Variants in PACRG observed in about 807,000 individuals in gnomAD.
PACRG encodes parkin coregulated, also known as parkin coregulated gene protein.
Under a neutral mutation model 29.7 loss-of-function variants are expected in PACRG, and 29 were observed. The observed-to-expected ratio is 0.98, with a 90% CI of 0.73 to 1.33. The LOEUF (loss-of-function observed/expected upper bound fraction) is 1.33, where lower values mean the gene tolerates loss of function less well. Among genes scored for constraint, PACRG ranks in the 40% most tolerant of loss-of-function variants. The pLI, the probability that PACRG is intolerant of heterozygous loss-of-function variation, is 0.00. For synonymous variants in PACRG, 116 were observed against 118.7 expected, an observed-to-expected ratio of 0.98 and a Z score of 0.15; for missense variants, 279 against 316.2, an observed-to-expected ratio of 0.88 and a Z score of 0.89.
chr6:162,839,768 G>A (rs1293471654), intron 2 of PACRG, among the ~76,000 whole-genome samples: 2 of 152,052 alleles, frequency 1.3e-5, no homozygotes, highest in African/African-American at 4.8e-5. Flanking sequence ...ATTGATTTTT[G>A]TATAAGGTAT....
chr6:162,743,930 A>C (rs1308173648), intron 1 of PACRG, among the ~76,000 whole-genome samples: 2 of 152,124 alleles, frequency 1.3e-5, no homozygotes, highest in Non-Finnish European at 2.9e-5. Context: ...TATTCTAGAC[A>C]TTTGTCTTTT....
intron 2 of PACRG, among the ~76,000 whole-genome samples, chr6:162,925,615 A>T (rs1352657182): frequency 6.6e-6 from 1 of 152,210 alleles, no homozygotes; most frequent in Non-Finnish European, 1.5e-5. Flanking sequence ...ACATCCTTTC[A>T]TGTTAAAAAC....
intron 4 of PACRG, chr6:163,183,604 G>T (rs1221422100): frequency 3.9e-5 from 6 of 152,004 alleles, no homozygotes; most frequent in African/African-American, 1.2e-4. Context: ...AAAAAGAAAT[G>T]CACCTTTAAA....
chr6:162,961,465 C>T (rs1800612313), intron 2 of PACRG, among the ~76,000 whole-genome samples: 1 of 152,174 alleles, frequency 6.6e-6, no homozygotes, highest in South Asian at 2.1e-4. Context: ...TCTATCAGAG[C>T]TGCAGATCCA....
At chr6:163,196,952 TAGATAGA>T in intron 4 of PACRG, among the ~76,000 whole-genome samples, 1 of 146,466 alleles carries the variant, frequency 6.8e-6, no homozygotes, top group Admixed American at 6.7e-5. Context: ...GATAGATAGA[TAGATAGA>T]TAGATAGATA....
intron 4 of PACRG, among the ~76,000 whole-genome samples, chr6:163,137,185 A>G (rs35399057): frequency 0.16 from 24,250 of 151,924 alleles, 1,966 homozygotes; most frequent in African/African-American, 0.21. Context: ...TGTTTAATGA[A>G]CTCTGTTTTA....
At chr6:163,146,652 A>T (rs1777815299) in intron 4 of PACRG, among the ~76,000 whole-genome samples, 2 of 152,206 alleles carry the variant, frequency 1.3e-5, no homozygotes, top group Admixed American at 1.3e-4. Flanking sequence ...TTAGCTTTCC[A>T]TAATAGTAAT....
intron 4 of PACRG, among the ~76,000 whole-genome samples, chr6:163,264,705 G>A (rs1006382476): frequency 1.3e-5 from 2 of 152,134 alleles, no homozygotes; most frequent in Admixed American, 1.3e-4. Context: ...TGGAAAATAG[G>A]GGGTGAAACT....
intron 1 of PACRG, among the ~76,000 whole-genome samples, chr6:162,786,142 G>A (rs1784450475): frequency 6.6e-6 from 1 of 152,212 alleles, no homozygotes. Context: ...CTGAATTCCT[G>A]TGTCACCAGA....
chr6:162,942,495 C>A (rs943038038), intron 2 of PACRG, among the ~76,000 whole-genome samples: 1 of 152,070 alleles, frequency 6.6e-6, no homozygotes, highest in African/African-American at 2.4e-5. Context: ...TGTGGATAAC[C>A]AGCTCCCAAA....
At chr6:163,131,257 C>G (rs919822484) in intron 4 of PACRG, among the ~76,000 whole-genome samples, 5 of 94,336 alleles carry the variant, frequency 5.3e-5, no homozygotes, top group Non-Finnish European at 1.0e-4. Context: ...GCAGTGAGCC[C>G]AGATCACGCC....
intron 3 of PACRG, among the ~76,000 whole-genome samples, chr6:163,063,597 G>T (rs1422422628): frequency 1.3e-5 from 2 of 152,134 alleles, no homozygotes; most frequent in Non-Finnish European, 2.9e-5. Context: ...TGATCAAAAT[G>T]CTAGATTTCC....
intron 2 of PACRG, among the ~76,000 whole-genome samples, chr6:162,872,713 A>G (rs1792930074): frequency 6.6e-6 from 1 of 152,136 alleles, no homozygotes; most frequent in Non-Finnish European, 1.5e-5. Context: ...TTCAAGAAAA[A>G]TTGCAGGTCC....
chr6:162,868,008 G>C (rs1288066155), intron 2 of PACRG, among the ~76,000 whole-genome samples: 1 of 152,190 alleles, frequency 6.6e-6, no homozygotes, highest in African/African-American at 2.4e-5. Context: ...TTGTATTGCA[G>C]GCGCCATTTA....
At chr6:163,177,386 C>T (rs544289507) in intron 4 of PACRG, among the ~76,000 whole-genome samples, 19 of 152,242 alleles carry the variant, frequency 1.2e-4, no homozygotes, top group Middle Eastern at 6.8e-3. Flanking sequence ...CTGAGGGTGA[C>T]TTAGAAAGTC....
intron 3 of PACRG, among the ~76,000 whole-genome samples, chr6:163,067,383 A>G (rs1017719113): frequency 4.6e-5 from 7 of 152,222 alleles, no homozygotes; most frequent in Admixed American, 4.6e-4. Context: ...GAAGAGATGA[A>G]TGCTAATTTT....
At chr6:163,162,610 G>T (rs534125475) in intron 4 of PACRG, among the ~76,000 whole-genome samples, 57 of 152,310 alleles carry the variant, frequency 3.7e-4, no homozygotes, top group African/African-American at 1.2e-3. Flanking sequence ...CAGTTCACAC[G>T]GTCAGAGGGT....
intron 4 of PACRG, among the ~76,000 whole-genome samples, chr6:163,118,686 C>G (rs112392365): frequency 2.4e-4 from 36 of 152,218 alleles, no homozygotes; most frequent in African/African-American, 7.7e-4. Flanking sequence ...AAATATGTTC[C>G]ATTTCTTAGG....
chr6:163,091,707 T>G (rs1814124342), intron 4 of PACRG, among the ~76,000 whole-genome samples: 1 of 152,200 alleles, frequency 6.6e-6, no homozygotes, highest in Non-Finnish European at 1.5e-5. Flanking sequence ...AAAGTAGCTA[T>G]GTTACCCTAG....
Sources: allele counts gnomAD v4.1 joint callset (sites outside exome capture counted in the v4.1 genomes callset), GRCh38; gene constraint gnomAD v4.1.1; transcripts MANE v1.5; gene names NCBI Gene and HGNC (gene_info 2026-07-23, HGNC 2026-07-21).